ERC2: variants seen among roughly 807,000 people sequenced by gnomAD.
ERC2 encodes ELKS/RAB6-interacting/CAST family member 2.
ERC2 carries 42 observed loss-of-function variants against 114.8 expected under a neutral mutation model. The ratio of observed to expected loss-of-function variants is 0.37; its 90% CI spans 0.29 to 0.47. ERC2 has a LOEUF of 0.47. Among genes scored for constraint, ERC2 ranks in the 20% least tolerant of loss-of-function variants. The pLI, the probability that ERC2 is intolerant of heterozygous loss-of-function variation, is 0.99. For synonymous variants in ERC2, 454 were observed against 425.5 expected (o/e 1.07, Z -0.82); for missense variants, 939 against 1,150.7 (o/e 0.82, Z 2.66).
intron 1 of ERC2, among the ~76,000 whole-genome samples, chr3:56,460,052 G>T (rs2063241230): frequency 6.6e-6 from 1 of 152,216 alleles, no homozygotes; most frequent in Non-Finnish European, 1.5e-5. Context: ...AAGAAATTAG[G>T]CTGGAGTAGC....
chr3:56,292,630 G>C (rs552218982), intron 3 of ERC2, among the ~76,000 whole-genome samples: 31 of 151,578 alleles, frequency 2.0e-4, no homozygotes, highest in African/African-American at 6.5e-4. Context: ...AAGGGACATA[G>C]TAAAATGGTT....
At chr3:56,331,052 C>A (rs2057588052) in intron 2 of ERC2, among the ~76,000 whole-genome samples, 2 of 152,186 alleles carry the variant, frequency 1.3e-5, no homozygotes, top group Admixed American at 1.3e-4. Context: ...TCATTCTATT[C>A]ATGGCAAGCA....
chr3:56,196,779 A>G (rs1299767294), intron 3 of ERC2, among the ~76,000 whole-genome samples: 1 of 152,106 alleles, frequency 6.6e-6, no homozygotes, highest in Non-Finnish European at 1.5e-5. Context: ...TCTTCAAGAT[A>G]GTAAATCATG....
intron 17 of ERC2, among the ~76,000 whole-genome samples, chr3:55,655,644 A>G (rs2060825307): frequency 6.6e-6 from 1 of 152,044 alleles, no homozygotes; most frequent in African/African-American, 2.4e-5. Flanking sequence ...GACCCTATGG[A>G]TAGTTGCTGG....
chr3:55,838,953 G>A (rs2061014621), intron 14 of ERC2, among the ~76,000 whole-genome samples: 1 of 151,692 alleles, frequency 6.6e-6, no homozygotes, highest in African/African-American at 2.4e-5. Flanking sequence ...CCATAAAATG[G>A]CAGCAACAGA....
At chr3:56,396,351 C>G (rs749149837) in intron 2 of ERC2, among the ~76,000 whole-genome samples, 1 of 152,126 alleles carries the variant, frequency 6.6e-6, no homozygotes, top group Non-Finnish European at 1.5e-5. Flanking sequence ...TGAATGGAGC[C>G]AGGCATGGTG....
intron 2 of ERC2, among the ~76,000 whole-genome samples, chr3:56,319,717 T>A (rs2057039138): frequency 6.6e-6 from 1 of 152,080 alleles, no homozygotes; most frequent in Admixed American, 6.5e-5. Flanking sequence ...ACACCTGGAA[T>A]CCCAGCTACT....
At chr3:56,250,218 A>G (rs2052049753) in intron 3 of ERC2, among the ~76,000 whole-genome samples, 2 of 152,218 alleles carry the variant, frequency 1.3e-5, no homozygotes, top group Non-Finnish European at 2.9e-5. Flanking sequence ...GTTTTGCACC[A>G]TACCACCCAA....
intron 2 of ERC2, among the ~76,000 whole-genome samples, chr3:56,377,082 T>A (rs1000173035): frequency 1.3e-5 from 2 of 152,160 alleles, no homozygotes; most frequent in Admixed American, 1.3e-4. Context: ...ACTGTCCTGT[T>A]TCTCCGATTA....
chr3:55,877,990 G>C (rs1170450167), intron 14 of ERC2, among the ~76,000 whole-genome samples: 1 of 152,066 alleles, frequency 6.6e-6, no homozygotes, highest in Non-Finnish European at 1.5e-5. Context: ...GGCCAAGACT[G>C]CCTCCTCTGA....
intron 6 of ERC2, among the ~76,000 whole-genome samples, chr3:56,118,730 G>T (rs796866905): frequency 1.3e-5 from 2 of 148,250 alleles, no homozygotes; most frequent in Non-Finnish European, 3.0e-5. Context: ...TCCGCCTCCC[G>T]GGTTCACGCC....
chr3:55,830,847 G>A (rs2060536701), intron 14 of ERC2, among the ~76,000 whole-genome samples: 1 of 152,064 alleles, frequency 6.6e-6, no homozygotes, highest in South Asian at 2.1e-4. Flanking sequence ...GAGAGGCTGA[G>A]GCAGTAGGAT....
intron 17 of ERC2, among the ~76,000 whole-genome samples, chr3:55,519,090 A>G (rs1481487104): frequency 6.6e-6 from 1 of 152,186 alleles, no homozygotes; most frequent in African/African-American, 2.4e-5. Flanking sequence ...GGAGAACCCC[A>G]CTTGGGTAGC....
intron 2 of ERC2, among the ~76,000 whole-genome samples, chr3:56,421,590 T>C (rs1276874484): frequency 6.6e-6 from 1 of 152,204 alleles, no homozygotes; most frequent in East Asian, 1.9e-4. Context: ...ATGCTTTCCT[T>C]GAGTGCCGCT....
chr3:55,971,887 T>C (rs1309577522), intron 12 of ERC2, among the ~76,000 whole-genome samples: 1 of 152,200 alleles, frequency 6.6e-6, no homozygotes. Flanking sequence ...GAGTCTTCCA[T>C]ATTCCCAGAA....
chr3:56,249,855 C>CTTTTTT (rs34668162), intron 3 of ERC2, among the ~76,000 whole-genome samples: 13 of 112,800 alleles, frequency 1.2e-4, no homozygotes, highest in Admixed American at 1.2e-4. Flanking sequence ...CATCAAATTT[C>CTTTTTT]TTTTTTTTTT....
intron 10 of ERC2, among the ~76,000 whole-genome samples, chr3:56,000,970 A>G (rs1041935388): frequency 6.6e-6 from 1 of 152,076 alleles, no homozygotes; most frequent in African/African-American, 2.4e-5. Flanking sequence ...ATAGTATACA[A>G]TCATTAAAAT....
chr3:55,910,123 C>G (rs1006112695), intron 13 of ERC2, among the ~76,000 whole-genome samples: 1 of 152,120 alleles, frequency 6.6e-6, no homozygotes, highest in African/African-American at 2.4e-5. Context: ...GCCACAGTGG[C>G]TTACACCTGT....
chr3:55,913,659 T>G (rs956103410), intron 13 of ERC2, among the ~76,000 whole-genome samples: 1 of 152,210 alleles, frequency 6.6e-6, no homozygotes, highest in Non-Finnish European at 1.5e-5. Flanking sequence ...GATGACTTTT[T>G]CCAATGGAGA....
Sources: gnomAD v4.1 joint callset for allele counts (sites outside exome capture counted in the v4.1 genomes callset) on GRCh38, gnomAD v4.1.1 for gene constraint, MANE v1.5 for transcripts, NCBI Gene and HGNC (gene_info 2026-07-23, HGNC 2026-07-21) for gene names.